The following SNX29 variants were observed in gnomAD, a reference collection of about 807,000 sequenced individuals.
The protein encoded by SNX29 is sorting nexin 29, also known as sorting nexin-29.
A neutral mutation model predicts 102.1 loss-of-function variants in SNX29; 78 were observed. The ratio of observed to expected loss-of-function variants is 0.76; its 90% CI spans 0.64 to 0.92. SNX29 has a LOEUF of 0.92. SNX29 is among the 40% of genes least tolerant of loss of function. The pLI, the probability that SNX29 is intolerant of heterozygous loss-of-function variation, is 0.00. For missense variants in SNX29, 1,280 were observed against 1,061.7 expected (o/e 1.21, Z -2.86); for synonymous variants, 580 against 414.5 (o/e 1.40, Z -4.85).
intron 10 of SNX29, among the ~76,000 whole-genome samples, chr16:12,072,524 G>A (rs1287283954): frequency 1.3e-5 from 2 of 152,134 alleles, no homozygotes; most frequent in Non-Finnish European, 2.9e-5. Context: ...AAGCCCACTC[G>A]ATCATGGTAG....
At chr16:12,467,554 C>T (rs749885598) in intron 18 of SNX29, among the ~76,000 whole-genome samples, 13 of 152,290 alleles carry the variant, frequency 8.5e-5, no homozygotes, top group South Asian at 6.2e-4. Context: ...CTCTCATGGA[C>T]GGGCAAATAC....
intron 13 of SNX29, among the ~76,000 whole-genome samples, chr16:12,150,769 GT>G (rs762222337): frequency 6.6e-6 from 1 of 152,244 alleles, no homozygotes; most frequent in Non-Finnish European, 1.5e-5. Context: ...ACAGCCTGTG[GT>G]TTGGGTTCAT....
intron 20 of SNX29, among the ~76,000 whole-genome samples, chr16:12,550,545 A>G (rs1029172245): frequency 6.6e-6 from 1 of 151,474 alleles, no homozygotes; most frequent in South Asian, 2.1e-4. Flanking sequence ...AAAAAAAAAA[A>G]AACCAAACAC....
intron 14 of SNX29, among the ~76,000 whole-genome samples, chr16:12,208,447 T>A (rs192764470): frequency 6.6e-6 from 1 of 152,286 alleles, no homozygotes; most frequent in East Asian, 1.9e-4. Context: ...TGAGGATCTA[T>A]GGTAGGAAGG....
intron 3 of SNX29, among the ~76,000 whole-genome samples, chr16:12,019,262 C>T (rs1235998999): frequency 1.3e-5 from 2 of 152,168 alleles, no homozygotes; most frequent in Non-Finnish European, 2.9e-5. Context: ...GGCTGGAGTG[C>T]AGTGGCACTA....
rs1276686692 is a variant in SNX29, at chr16:12,568,868, TCTG to T, written c.*242_*244del. On this transcript the variant is annotated 3_prime_UTR_variant, in exon 21 of 21. Transcript: ENST00000566228. ...TGGAGAGACTGGGACACACAGTCCT[TCTG>T]CTTCTGGGGTCTACCCTGGGCTGCA... The T allele has an allele frequency of 3.3e-6, 2 of 607,172 alleles. No individual in the cohort carries two copies. The highest frequency in any genetic ancestry group is 5.5e-6 in the Non-Finnish European group (2 of 361,726). The allele number at this position is 607,172 out of a possible 1,614,324, so 37.6% of individuals were successfully genotyped here.
At chr16:12,056,361 T>G (rs1055765896) in intron 8 of SNX29, among the ~76,000 whole-genome samples, 3 of 152,192 alleles carry the variant, frequency 2.0e-5, no homozygotes, top group Non-Finnish European at 2.9e-5. Context: ...CCAGAGGGCC[T>G]CCTGCAGACT....
At chr16:12,512,934 G>C (rs2089696666) in intron 19 of SNX29, among the ~76,000 whole-genome samples, 1 of 152,128 alleles carries the variant, frequency 6.6e-6, no homozygotes, top group African/African-American at 2.4e-5. Flanking sequence ...TTTGGGAAGT[G>C]GTGGCAGAGC....
At chr16:12,443,033 C>G (rs150348371) in intron 18 of SNX29, 1 of 455,490 alleles carries the variant, frequency 2.2e-6, no homozygotes, top group East Asian at 7.0e-5. Context: ...GTCTGTGGGC[C>G]GTATGAAAAC....
intron 20 of SNX29, among the ~76,000 whole-genome samples, chr16:12,566,127 C>G (rs1048906303): frequency 6.6e-6 from 1 of 152,240 alleles, no homozygotes. Flanking sequence ...GTCCAAGGCT[C>G]AGAGGGCAGG....
At chr16:12,562,639 C>T (rs986117670) in intron 20 of SNX29, among the ~76,000 whole-genome samples, 1 of 152,144 alleles carries the variant, frequency 6.6e-6, no homozygotes, top group Non-Finnish European at 1.5e-5. Context: ...AGGGTCTTCC[C>T]TGAGGGGCTG....
In SNX29 at chr16:12,069,126, G is replaced by C; in HGVS notation, c.1313G>C (p.Arg438Pro). The C allele has an allele frequency of 2.5e-6, 4 of 1,613,078 alleles. No individual in the cohort carries two copies. The highest frequency in any genetic ancestry group is 3.4e-6 in the Non-Finnish European group (4 of 1,179,294). ...CACGTTCTCCCAGATCCTGGACTTC[G>C]GTACAGGTTAATATTGAGAAACCCA... ...EDHVLPDPGL[R>P]YSVEASSPGH... The change falls in exon 10 of 21, where the codon CGG becomes CCG. Residue 438 changes from arginine to proline, a missense_variant. Physicochemically the swap from Arg to Pro is moderately radical, Grantham distance 103. Transcript: ENST00000566228.
intron 3 of SNX29, among the ~76,000 whole-genome samples, chr16:12,009,638 T>C (rs1484409889): frequency 6.6e-6 from 1 of 152,108 alleles, no homozygotes; most frequent in East Asian, 1.9e-4. Flanking sequence ...CAGGAGGAAG[T>C]GGTGGCAGCC....
chr16:12,007,151 G>C (rs1028695558), intron 3 of SNX29, among the ~76,000 whole-genome samples: 3 of 152,136 alleles, frequency 2.0e-5, no homozygotes, highest in African/African-American at 7.2e-5. Flanking sequence ...AATGTATTTG[G>C]GTAAAGGTGG....
intron 20 of SNX29, among the ~76,000 whole-genome samples, chr16:12,560,513 C>CT (rs1441128253): frequency 6.6e-6 from 1 of 152,166 alleles, no homozygotes; most frequent in East Asian, 1.9e-4. Flanking sequence ...CTGTCCTGCC[C>CT]TCCACCTTCC....
At chr16:12,560,024 T>TA (rs1567201147) in intron 20 of SNX29, among the ~76,000 whole-genome samples, 2 of 152,146 alleles carry the variant, frequency 1.3e-5, no homozygotes, top group East Asian at 3.9e-4. Flanking sequence ...TTGGAAGACT[T>TA]AGTATGACAA....
chr16:12,253,016 C>T (rs1350284803), intron 14 of SNX29, among the ~76,000 whole-genome samples: 3 of 152,148 alleles, frequency 2.0e-5, no homozygotes, highest in African/African-American at 7.2e-5. Context: ...TTTCCAGACC[C>T]AGATAGAGAA....
Position 12,048,425 on chromosome 16 carries a change from C to T in SNX29, c.553C>T (p.Gln185Ter). 6.2e-7 allele frequency: 1 copy of T among 1,613,664 alleles called. No homozygotes were observed. The highest frequency in any genetic ancestry group is 8.5e-7 in the Non-Finnish European group (1 of 1,179,816). The change falls in exon 7 of 21, where the codon CAG becomes TAG. Residue 185 changes from glutamine to a stop codon, truncating the protein, a stop_gained. Transcript: ENST00000566228. LOFTEE classifies it high-confidence loss of function. ...CATCGACAACAAGGATTTGAACGGG[C>T]AGAGTAAGTTTGCTCCCACCGTTTC... The part of the protein sequence containing the change: ...INIDNKDLNG[Q>*]SKFAPTVSDL...
intron 19 of SNX29, among the ~76,000 whole-genome samples, chr16:12,489,532 G>GCACT (rs1241824713): frequency 1.3e-5 from 2 of 152,182 alleles, no homozygotes; most frequent in Non-Finnish European, 2.9e-5. Context: ...AGCCTTTGTG[G>GCACT]CACTCAGCTG....
Sources: allele counts gnomAD v4.1 joint callset (sites outside exome capture counted in the v4.1 genomes callset), GRCh38; gene constraint gnomAD v4.1.1; transcripts MANE v1.5; gene names NCBI Gene and HGNC (gene_info 2026-07-23, HGNC 2026-07-21).